Variants in PPM1E observed in about 807,000 individuals in gnomAD.
PPM1E encodes protein phosphatase 1E.
PPM1E carries 20 observed loss-of-function variants against 65.9 expected under a neutral mutation model. That is an observed-to-expected ratio of 0.30 (90% CI 0.21 to 0.44). The LOEUF (loss-of-function observed/expected upper bound fraction) is 0.44. PPM1E is among the 20% of genes least tolerant of loss of function. The pLI is 1.00. For missense variants in PPM1E, 713 were observed against 953.1 expected, an observed-to-expected ratio of 0.75 and a Z score of 3.32; for synonymous variants, 352 against 374.9, an observed-to-expected ratio of 0.94 and a Z score of 0.70.
chr17:58,760,741 C>G (rs1282402495), intron 1 of PPM1E, among the ~76,000 whole-genome samples: 1 of 152,170 alleles, frequency 6.6e-6, no homozygotes, highest in Non-Finnish European at 1.5e-5. Flanking sequence ...AATGAAGATG[C>G]TATGCAAAAC....
chr17:58,924,984 G>A (rs990347202), intron 1 of PPM1E, among the ~76,000 whole-genome samples: 8 of 151,990 alleles, frequency 5.3e-5, no homozygotes, highest in Admixed American at 5.2e-4. Context: ...TCATTTTGGG[G>A]CATTTGGGTT....
At chr17:58,956,685 T>C (rs1180916278) in intron 2 of PPM1E, among the ~76,000 whole-genome samples, 1 of 152,182 alleles carries the variant, frequency 6.6e-6, no homozygotes, top group Non-Finnish European at 1.5e-5. Context: ...ATTAATGTCT[T>C]AGGCTTATAC....
At chr17:58,759,269 A>T (rs1409650994) in intron 1 of PPM1E, among the ~76,000 whole-genome samples, 3 of 152,072 alleles carry the variant, frequency 2.0e-5, no homozygotes, top group Non-Finnish European at 2.9e-5. Context: ...AAAAAAAGTT[A>T]CCTACGTTTT....
At chr17:58,784,611 G>A (rs559072366) in intron 1 of PPM1E, among the ~76,000 whole-genome samples, 46 of 149,424 alleles carry the variant, frequency 3.1e-4, no homozygotes, top group African/African-American at 1.1e-3. Context: ...TGCAGTCTCC[G>A]CCTCCCGGGT....
At chr17:58,788,686 G>A (rs1276173837) in intron 1 of PPM1E, among the ~76,000 whole-genome samples, 1 of 152,122 alleles carries the variant, frequency 6.6e-6, no homozygotes, top group Non-Finnish European at 1.5e-5. Flanking sequence ...CATATTCAAG[G>A]ATATAATAGC....
chr17:58,902,774 G>GTATT (rs1567869997), intron 1 of PPM1E, among the ~76,000 whole-genome samples: 1 of 152,050 alleles, frequency 6.6e-6, no homozygotes, highest in African/African-American at 2.4e-5. Context: ...AGATATAGGG[G>GTATT]TTGTGAAACA....
intron 3 of PPM1E, 45 bp from the exon 4 acceptor site, chr17:58,969,494 A>G: frequency 6.3e-7 from 1 of 1,582,546 alleles, no homozygotes; most frequent in Non-Finnish European, 8.7e-7. Flanking sequence ...CATTTGAATC[A>G]TGCTATACCC....
chr17:58,793,455 A>C (rs1052003678), intron 1 of PPM1E, among the ~76,000 whole-genome samples: 2 of 151,784 alleles, frequency 1.3e-5, no homozygotes, highest in African/African-American at 2.4e-5. Context: ...TCCCGAGTTC[A>C]TGCCATTTTC....
chr17:58,883,472 C>T (rs975382540), intron 1 of PPM1E, among the ~76,000 whole-genome samples: 10 of 148,852 alleles, frequency 6.7e-5, no homozygotes, highest in African/African-American at 1.2e-4. Context: ...AGTAATTCTT[C>T]GCTGCCTGTT....
At chr17:58,770,839 T>C (rs2049930220) in intron 1 of PPM1E, among the ~76,000 whole-genome samples, 1 of 151,974 alleles carries the variant, frequency 6.6e-6, no homozygotes. Flanking sequence ...TTAAGAAGCT[T>C]TCTATTTTAC....
chr17:58,918,310 C>T lies in PPM1E; in HGVS notation c.465-37339C>T, dbSNP rs569117619. On this transcript the variant is annotated intron_variant, in intron 1 of 6. Transcript: ENST00000308249. The stretch of plus-strand genomic sequence containing the variant: ...AAAAATAGTTCCTTCAGAAACTGAA[C>T]ATTTAACCAGTAGAATTCCTAAGGG... 9.7e-4 allele frequency among the ~76,000 whole-genome samples: 147 copies of T among 152,252 alleles called. 1 individual carries two copies. Among genetic ancestry groups the T allele is most frequent in the African/African-American group, 3.4e-3 (142 of 41,548 alleles).
intron 1 of PPM1E, among the ~76,000 whole-genome samples, chr17:58,776,857 C>A (rs1341804963): frequency 6.6e-6 from 1 of 151,940 alleles, no homozygotes; most frequent in Non-Finnish European, 1.5e-5. Context: ...TAGAGAGAAA[C>A]CCAGAATGGA....
intron 1 of PPM1E, among the ~76,000 whole-genome samples, chr17:58,780,725 G>A (rs942088066): frequency 3.9e-5 from 6 of 152,084 alleles, no homozygotes; most frequent in Non-Finnish European, 4.4e-5. Context: ...CTATATAGAA[G>A]TTAAAATTTT....
At position 58,843,445 on chromosome 17, in the gene PPM1E, G is replaced by A. The variant is rs141336736; in HGVS notation, c.464+86984G>A. Among the ~76,000 whole-genome samples, 745 of 152,102 alleles carry A rather than the reference G, an allele frequency of 4.9e-3. 16 individuals are homozygous for A. The highest frequency in any genetic ancestry group is 0.017 in the African/African-American group (696 of 41,504). The stretch of plus-strand genomic sequence containing the variant: ...TGAGGCAGGAGAATTGCTTGAACCC[G>A]GGAGGTAGAGGTTGCAGTGAGCGGA... On this transcript the variant is annotated intron_variant, in intron 1 of 6. Coordinates refer to ENST00000308249, the MANE Select transcript of PPM1E (RefSeq NM_014906.5).
chr17:58,828,079 C>T (rs957886889), intron 1 of PPM1E, among the ~76,000 whole-genome samples: 3 of 151,394 alleles, frequency 2.0e-5, no homozygotes, highest in Admixed American at 6.6e-5. Flanking sequence ...ATTAGCCAGG[C>T]GTGATGGCAG....
intron 1 of PPM1E, among the ~76,000 whole-genome samples, chr17:58,871,681 G>A (rs2051070966): frequency 6.6e-6 from 1 of 151,748 alleles, no homozygotes; most frequent in Admixed American, 6.6e-5. Context: ...CCAGGTGTGG[G>A]GACGCACACC....
At chr17:58,803,289 G>T (rs2050275825) in intron 1 of PPM1E, among the ~76,000 whole-genome samples, 1 of 152,132 alleles carries the variant, frequency 6.6e-6, no homozygotes, top group Non-Finnish European at 1.5e-5. Context: ...ATCAAAAAAT[G>T]ATGTTAAATT....
chr17:58,769,931 G>A (rs542399920), intron 1 of PPM1E, among the ~76,000 whole-genome samples: 11 of 152,160 alleles, frequency 7.2e-5, no homozygotes, highest in Non-Finnish European at 1.6e-4. Context: ...GGAGGTTGAG[G>A]CAGGAGAATT....
At chr17:58,932,038 G>A (rs921268685) in intron 1 of PPM1E, among the ~76,000 whole-genome samples, 5 of 152,130 alleles carry the variant, frequency 3.3e-5, no homozygotes, top group Admixed American at 1.3e-4. Flanking sequence ...CATTTTGGGA[G>A]GCCACAGCAG....
Sources: gnomAD v4.1 joint callset for allele counts (sites outside exome capture counted in the v4.1 genomes callset) on GRCh38, gnomAD v4.1.1 for gene constraint, MANE v1.5 for transcripts, NCBI Gene and HGNC (gene_info 2026-07-23, HGNC 2026-07-21) for gene names.